The following MRPS25 variants were observed in gnomAD, a reference collection of about 807,000 sequenced individuals.
MRPS25 encodes small ribosomal subunit protein mS25.
MRPS25 carries 15 observed loss-of-function variants against 17.3 expected under a neutral mutation model. The ratio of observed to expected loss-of-function variants is 0.87; its 90% confidence interval spans 0.58 to 1.34. MRPS25 has a LOEUF of 1.34. MRPS25 is among the 40% of genes most tolerant of loss of function. The probability of loss-of-function intolerance (pLI) is 0.00; values close to 1 mark genes in which losing one functional copy is unlikely to be tolerated. For synonymous variants in MRPS25, 94 were observed against 83.3 expected (o/e 1.13, Z -0.70); for missense variants, 225 against 218.6 (o/e 1.03, Z -0.19).
At chr3:15,046,556 GC>G (rs1226756021), downstream of MRPS25, 2 of 152,312 alleles carry the variant, frequency 1.3e-5, no homozygotes, top group Non-Finnish European at 2.9e-5. Flanking sequence ...AGGGCTTCCA[GC>G]CCCTGGCCGC....
chr3:15,049,948 A>G lies in MRPS25; in HGVS notation c.*2493T>C. 2 of 1,529,142 alleles carry G rather than the reference A, an allele frequency of 1.3e-6. No individual in the cohort carries two copies. The highest frequency in any genetic ancestry group is 8.7e-7 in the Non-Finnish European group (1 of 1,144,396). 94.7% of individuals were successfully genotyped at this position (1,529,142 alleles called of 1,614,324 possible). On this transcript the variant is annotated 3_prime_UTR_variant, in exon 4 of 4. Transcript: ENST00000253686. ...TGCCAGGTAGTGCCTCAAAGAGAAG[A>G]AAAGTGGTCACTTCAGAATAAGGCT...
rs2042560832 is a variant in MRPS25, at chr3:15,049,193, G to A, written c.*3248C>T. 1 of 152,640 alleles carries A rather than the reference G, an allele frequency of 6.6e-6. No individual in the cohort carries two copies. The highest frequency in any genetic ancestry group is 2.1e-4 in the South Asian group (1 of 4,834). 9.5% of individuals were successfully genotyped at this position (152,640 alleles called of 1,614,324 possible). A position where few individuals can be genotyped will look rare whatever the true frequency, so the allele number is the denominator to read the frequency against. ...AGCTTTATGCATTTTATTAAATGCT[G>A]TTTCAATGTGGCATTATTGTTGTGG... On this transcript the variant is annotated 3_prime_UTR_variant, in exon 4 of 4. Transcript: ENST00000253686.
chr3:15,060,598 A>C (rs374463751), intron 1 of MRPS25, among the ~76,000 whole-genome samples: 2 of 151,822 alleles, frequency 1.3e-5, no homozygotes, highest in South Asian at 2.1e-4. Flanking sequence ...TAAATAGTTA[A>C]GCCGCCGGGC....
At position 15,051,474 on chromosome 3, in the gene MRPS25, C is replaced by T. The variant is rs966884687; in HGVS notation, c.*967G>A. ...CTGGGATTACAGGCATGAGCCACCACACCCAGCCTAGCTAAACCTATTCTT... is the reference window on the plus strand; with the variant it reads ...CTGGGATTACAGGCATGAGCCACCATACCCAGCCTAGCTAAACCTATTCTT... On this transcript the variant is annotated 3_prime_UTR_variant, in exon 4 of 4. Coordinates refer to ENST00000253686, the MANE Select transcript of MRPS25 (RefSeq NM_022497.5). 1.3e-4 allele frequency: 124 copies of T among 984,608 alleles called. No homozygotes were observed. Among genetic ancestry groups the T allele is most frequent in the Non-Finnish European group, 1.5e-4 (122 of 829,278 alleles). 61.0% of individuals were successfully genotyped at this position (984,608 alleles called of 1,614,324 possible).
chr3:15,047,749 T>A (rs1391062605), downstream of MRPS25: 1 of 152,242 alleles, frequency 6.6e-6, no homozygotes. Context: ...TAAGCATGGA[T>A]GTTGATGGCT....
Position 15,059,486 on chromosome 3 carries a change from G to A in MRPS25, c.135-11C>T. 1 of 1,565,284 alleles carries A rather than the reference G, an allele frequency of 6.4e-7. No individual in the cohort carries two copies. Among genetic ancestry groups the A allele is most frequent in the Non-Finnish European group, 8.8e-7 (1 of 1,138,030 alleles). On this transcript the variant is annotated splice_polypyrimidine_tract_variant and intron_variant, in intron 1 of 3. Coordinates refer to ENST00000253686, the MANE Select transcript of MRPS25 (RefSeq NM_022497.5). ...AAAAACACAAACTTCCTGCAAAAGG[G>A]AAGAAATGAAGCCTATGAAACAGAG...
chr3:15,065,079 T>A lies in MRPS25; in HGVS notation c.116A>T (p.Glu39Val). ...VMTVNYNTHG[E>V]LGEGARKFVF... is the part of the protein sequence containing the mutation. Reference sequence around the variant, plus strand: ...GACTGACCTGGCGCCCTCGCCCAGCTCCCCATGCGTGTTGTAATTCACTGT... The same window carrying A: ...GACTGACCTGGCGCCCTCGCCCAGCACCCCATGCGTGTTGTAATTCACTGT... Residue 39 changes from glutamate (E) to valine (V), a missense_variant, in exon 1 of 4, where the codon GAG (glutamate) becomes GTG (valine). Coordinates refer to ENST00000253686, the MANE Select transcript of MRPS25 (RefSeq NM_022497.5). The A allele has an allele frequency of 6.2e-7, 1 of 1,600,710 alleles. No individual in the cohort carries two copies. Among genetic ancestry groups the A allele is most frequent in the Non-Finnish European group, 8.5e-7 (1 of 1,174,764 alleles).
Position 15,049,600 on chromosome 3 carries a change from G to A in MRPS25, c.*2841C>T, listed in dbSNP as rs987456863. 2.2e-6 allele frequency: 1 copy of A among 460,936 alleles called. No homozygotes were observed. Among genetic ancestry groups the A allele is most frequent in the African/African-American group, 2.1e-5 (1 of 48,410 alleles). 28.6% of individuals were successfully genotyped at this position (460,936 alleles called of 1,614,324 possible). A position where few individuals can be genotyped will look rare whatever the true frequency, so the allele number is the denominator to read the frequency against. On this transcript the variant is annotated 3_prime_UTR_variant, in exon 4 of 4. Coordinates refer to ENST00000253686, the MANE Select transcript of MRPS25 (RefSeq NM_022497.5). ...GCTGGAACATTCAGATGCCATTACA[G>A]ACAGGCCTTAAATTGGCAAGCTTAT...
intron 1 of MRPS25, among the ~76,000 whole-genome samples, chr3:15,063,767 CA>C (rs1182123669): frequency 2.0e-5 from 3 of 152,114 alleles, no homozygotes; most frequent in African/African-American, 7.2e-5. Context: ...CCCACAATGC[CA>C]AACAGTGAAG....
downstream of MRPS25, chr3:15,047,692 A>G (rs1490340422): frequency 6.6e-6 from 1 of 152,252 alleles, no homozygotes; most frequent in Admixed American, 6.5e-5. Context: ...CCATCTTTCT[A>G]TCGCCAGTTA....
At chr3:15,044,312 G>T (rs2042375782), downstream of MRPS25, 1 of 152,156 alleles carries the variant, frequency 6.6e-6, no homozygotes, top group African/African-American at 2.4e-5. Flanking sequence ...GTGCACTTTG[G>T]TTCCCCCAGG....
intron 2 of MRPS25, among the ~76,000 whole-genome samples, chr3:15,057,191 C>A (rs937887917): frequency 6.6e-6 from 1 of 152,220 alleles, no homozygotes; most frequent in Non-Finnish European, 1.5e-5. Flanking sequence ...TGGCCGGGGC[C>A]TAGGGTCTGG....
chr3:15,062,643 A>G (rs914523243), intron 1 of MRPS25, among the ~76,000 whole-genome samples: 1 of 152,182 alleles, frequency 6.6e-6, no homozygotes, highest in Non-Finnish European at 1.5e-5. Context: ...AAAGGTGGGG[A>G]AAAGATTGAG....
rs778796988 is a variant in MRPS25, at chr3:15,052,001, A to G, written c.*440T>C. On this transcript the variant is annotated 3_prime_UTR_variant, in exon 4 of 4. Coordinates refer to ENST00000253686, the MANE Select transcript of MRPS25 (RefSeq NM_022497.5). ...GAACGGAGGGGTGTACACACTGCCA[A>G]CCACAGACAGTGCTAGCCAGACTCA... The G allele has an allele frequency of 2.0e-6, 2 of 992,260 alleles. No homozygotes were observed. The highest frequency in any genetic ancestry group is 2.4e-6 in the Non-Finnish European group (2 of 834,512). 61.5% of individuals were successfully genotyped at this position (992,260 alleles called of 1,614,324 possible).
At chr3:15,055,724 T>C (rs1379624420) in intron 2 of MRPS25, among the ~76,000 whole-genome samples, 1 of 151,318 alleles carries the variant, frequency 6.6e-6, no homozygotes, top group Non-Finnish European at 1.5e-5. Context: ...GACTCCGTCT[T>C]TTAAAAAAAA....
rs1323533201 is a variant in MRPS25 at position 15,049,922 on chromosome 3, C to T, written c.*2519G>A. Reference sequence around the variant, plus strand: ...GCAGATGATACAGGTTTAGATGGTGCTGCCAGGTAGTGCCTCAAAGAGAAG... The same window carrying T: ...GCAGATGATACAGGTTTAGATGGTGTTGCCAGGTAGTGCCTCAAAGAGAAG... On this transcript the variant is annotated 3_prime_UTR_variant, in exon 4 of 4. Coordinates refer to ENST00000253686, the MANE Select transcript of MRPS25 (RefSeq NM_022497.5). 3 of 1,532,274 alleles carry T rather than the reference C, an allele frequency of 2.0e-6. No individual in the cohort carries two copies. Among genetic ancestry groups the T allele is most frequent in the Non-Finnish European group, 1.7e-6 (2 of 1,145,622 alleles). The allele number at this position is 1,532,274 out of a possible 1,614,324, so 94.9% of individuals were successfully genotyped here.
rs1463901463 is a variant in MRPS25, at chr3:15,053,460, C to T, written c.249G>A (p.Gly83=). The T allele has an allele frequency of 1.2e-6, 2 of 1,614,170 alleles. No individual in the cohort carries two copies. Among genetic ancestry groups the T allele is most frequent in the African/African-American group, 2.7e-5 (2 of 75,032 alleles). Residue 83 remains glycine, a synonymous_variant, in exon 3 of 4, where the codon GGG becomes GGA. Coordinates refer to ENST00000253686, the MANE Select transcript of MRPS25 (RefSeq NM_022497.5). ...SPFLRFYLDS[G]EQVLVDVETK... ...TCTCCACATCCACCAGGACCTGCTC[C>T]CCAGAATCTGGAAACGGAAAGCACG... is the stretch of plus-strand genomic sequence containing the variant.
chr3:15,050,239 G>T lies in MRPS25; in HGVS notation c.*2202C>A, dbSNP rs1028980145. ...CACACAGGCAGTAACTGCACCACAG[G>T]ACTGCTGCTGTCTCCACACGTCCTT... On this transcript the variant is annotated 3_prime_UTR_variant, in exon 4 of 4. Transcript: ENST00000253686. 9.6e-6 allele frequency: 11 copies of T among 1,148,786 alleles called. No homozygotes were observed. Among genetic ancestry groups the T allele is most frequent in the Non-Finnish European group, 1.2e-5 (11 of 932,950 alleles). 71.2% of individuals were successfully genotyped at this position (1,148,786 alleles called of 1,614,324 possible). A position where few individuals can be genotyped will look rare whatever the true frequency, so the allele number is the denominator to read the frequency against.
At chr3:15,055,754 GAATT>G (rs1432152503) in intron 2 of MRPS25, among the ~76,000 whole-genome samples, 9 of 151,988 alleles carry the variant, frequency 5.9e-5, no homozygotes, top group African/African-American at 1.9e-4. Flanking sequence ...ATGATAAACT[GAATT>G]AATCAAAATT....
Sources: allele counts gnomAD v4.1 joint callset (sites outside exome capture counted in the v4.1 genomes callset), GRCh38; gene constraint gnomAD v4.1.1; transcripts MANE v1.5; gene names NCBI Gene and HGNC (gene_info 2026-07-23, HGNC 2026-07-21).